PAF1: variants seen among roughly 807,000 people sequenced by gnomAD.
The protein encoded by PAF1 is PAF1 component of Paf1/RNA polymerase II complex.
A neutral mutation model predicts 68.4 loss-of-function variants in PAF1; 31 were observed. That is an observed-to-expected ratio of 0.45 (90% CI 0.34 to 0.61). PAF1 has a LOEUF of 0.61. PAF1 is among the 20% of genes least tolerant of loss of function. PAF1 has a pLI of 0.01. For synonymous variants in PAF1, 256 were observed against 240.5 expected (o/e 1.06, Z -0.60); for missense variants, 435 against 692.9 (o/e 0.63, Z 4.18).
intron 1 of PAF1, among the ~76,000 whole-genome samples, 187 bp from the exon 2 acceptor site, chr19:39,390,476 G>A (rs2078356199): frequency 6.6e-6 from 1 of 152,166 alleles, no homozygotes; most frequent in Non-Finnish European, 1.5e-5. Context: ...AGGAAGAAAT[G>A]CCCCCAAAAG....
rs2145944446 is a variant in PAF1 at position 39,391,005 on chromosome 19, G to A, written c.-141C>T. 1.2e-6 allele frequency: 1 copy of A among 820,688 alleles called. No homozygotes were observed. The highest frequency in any genetic ancestry group is 2.7e-5 in the East Asian group (1 of 37,170). The allele number at this position is 820,688 out of a possible 1,614,324, so 50.8% of individuals were successfully genotyped here. A position where few individuals can be genotyped will look rare whatever the true frequency, so the allele number is the denominator to read the frequency against. On this transcript the variant is annotated 5_prime_UTR_variant, in exon 1 of 14. Coordinates refer to ENST00000221265, the MANE Select transcript of PAF1 (RefSeq NM_019088.4). The stretch of plus-strand genomic sequence containing the variant: ...CCCCGCGGAAAGTGGGTTGAGATGA[G>A]GTGGGCGGGCGAGAAGAGCTCCAGC...
At chr19:39,390,417 G>T in intron 1 of PAF1, 128 bp from the exon 2 acceptor site, 1 of 846,894 alleles carries the variant, frequency 1.2e-6, no homozygotes, top group Non-Finnish European at 1.9e-6. Context: ...TGGTGGTGTG[G>T]GGAGTGTCCA....
chr19:39,390,280 G>A lies in PAF1; in HGVS notation c.57C>T (p.Ser19=), dbSNP rs551765199. 3.7e-6 allele frequency: 6 copies of A among 1,613,054 alleles called. No homozygotes were observed. In the South Asian group the frequency reaches 4.4e-5, roughly 12 times the overall value. The change falls in exon 2 of 14, where the codon TCC becomes TCT. Residue 19 remains serine, a synonymous_variant. Coordinates refer to ENST00000221265, the MANE Select transcript of PAF1 (RefSeq NM_019088.4). ...CTCACCTCTCAGGCAGAGTCCGGTG[G>A]GAATTGGGCCTAGTGGAGAAGAAAG... ...AQREDGHRPN[S]HRTLPERSGV...
rs1415670726 is a variant in PAF1 at position 39,389,988 on chromosome 19, G to A, written c.170+81C>T. 1.7e-6 allele frequency: 2 copies of A among 1,200,986 alleles called. No individual in the cohort carries two copies. Among genetic ancestry groups the A allele is most frequent in the African/African-American group, 1.5e-5 (1 of 66,852 alleles). The allele number at this position is 1,200,986 out of a possible 1,614,324, so 74.4% of individuals were successfully genotyped here. On this transcript the variant is annotated intron_variant, in intron 3 of 13. Coordinates refer to ENST00000221265, the MANE Select transcript of PAF1 (RefSeq NM_019088.4). The surrounding 1 kb of genome is among the most constrained non-coding windows in gnomAD (Gnocchi z 5.3). ...GGGTAGGTACTGTGCTAGGCCCTGA[G>A]CAGACAGCAGCCAACGAGACAAGCA...
Position 39,385,756 on chromosome 19 carries a change from TG to T in PAF1, c.*234del. On this transcript the variant is annotated 3_prime_UTR_variant, in exon 14 of 14. Coordinates refer to ENST00000221265, the MANE Select transcript of PAF1 (RefSeq NM_019088.4). ...GAAACCATTGGCCCTGCCTCTGGCC[TG>T]TGTTTCTAAGCCTCAAGCCAAGATC... The T allele has an allele frequency of 1.6e-6, 1 of 607,320 alleles. No individual in the cohort carries two copies. 37.6% of individuals were successfully genotyped at this position (607,320 alleles called of 1,614,324 possible).
chr19:39,387,366 G>A (rs40441), intron 11 of PAF1: 43,658 of 168,446 alleles, frequency 0.26, 11,227 homozygotes, highest in African/African-American at 0.7. Context: ...ATTACTGTAT[G>A]TGTCAGTTAG....
At chr19:39,388,049 G>T (rs563360628) in intron 11 of PAF1, among the ~76,000 whole-genome samples, 1 of 152,308 alleles carries the variant, frequency 6.6e-6, no homozygotes, top group South Asian at 2.1e-4. Flanking sequence ...GCTGAGGCAG[G>T]AGAATCACTT....
chr19:39,388,531 T>A, intron 10 of PAF1, 29 bp downstream of exon 10: 1 of 1,613,322 alleles, frequency 6.2e-7, no homozygotes, highest in African/African-American at 1.3e-5. Context: ...AACTTCCCAA[T>A]CCCCAAAACT....
chr19:39,390,043 G>A lies in PAF1; in HGVS notation c.170+26C>T, dbSNP rs1455418639. The A allele has an allele frequency of 2.6e-6, 4 of 1,566,756 alleles. 1 individual carries two copies. The South Asian group carries it at 4.4e-5, about 17-fold the overall frequency. Reference sequence around the variant, plus strand: ...CTGCCTTCAAGGAACTCATACCTGAGTAGTTTTCCCATTCCTTAGTCTCAC... The same window carrying A: ...CTGCCTTCAAGGAACTCATACCTGAATAGTTTTCCCATTCCTTAGTCTCAC... On this transcript the variant is annotated intron_variant, in intron 3 of 13. Transcript: ENST00000221265.
chr19:39,387,861 G>T (rs2078287292), intron 11 of PAF1, among the ~76,000 whole-genome samples: 1 of 152,206 alleles, frequency 6.6e-6, no homozygotes, highest in Non-Finnish European at 1.5e-5. Flanking sequence ...ATTCTGGCTG[G>T]GCGTGGTGGC....
intron 1 of PAF1, 83 bp from the exon 2 acceptor site, chr19:39,390,372 A>G: frequency 7.8e-7 from 1 of 1,274,036 alleles, no homozygotes; most frequent in Non-Finnish European, 1.1e-6. Context: ...ACCTTTCAAA[A>G]GGTAGGAGGG....
chr19:39,386,500 T>TCTCTTCTGTCTCCATCTCCTCTTC lies in PAF1; in HGVS notation c.1141_1164dup (p.Glu381_Glu388dup). On this transcript the variant is annotated inframe_insertion, in exon 13 of 14. Coordinates refer to ENST00000221265, the MANE Select transcript of PAF1 (RefSeq NM_019088.4). The surrounding 1 kb of genome is among the most constrained non-coding windows in gnomAD (Gnocchi z 6.1). Reference sequence around the variant, plus strand: ...GATTTACCTGAGCCCCCAGCTTCTTTCTCTTCTGTCTCCATCTCCTCTTCC... The same window carrying TCTCTTCTGTCTCCATCTCCTCTTC: ...GATTTACCTGAGCCCCCAGCTTCTTTCTCTTCTGTCTCCATCTCCTCTTCCTCTTCTGTCTCCATCTCCTCTTCC... 1 of 1,614,110 alleles carries TCTCTTCTGTCTCCATCTCCTCTTC rather than the reference T, an allele frequency of 6.2e-7. No homozygotes were observed. The highest frequency in any genetic ancestry group is 8.5e-7 in the Non-Finnish European group (1 of 1,180,006).
In PAF1 at chr19:39,389,706, T is replaced by A; in HGVS notation, c.226A>T (p.Thr76Ser). The A allele has an allele frequency of 6.2e-7, 1 of 1,614,086 alleles. No individual in the cohort carries two copies. The change falls in exon 4 of 14, where the codon ACT (threonine) becomes TCT (serine). Residue 76 changes from threonine to serine, a missense_variant. Physicochemically the swap from Thr to Ser is moderately conservative, Grantham distance 58. This residue lies in a region of PAF1 where 77 missense variants were observed against 118.2 expected (regional missense o/e 0.65). Transcript: ENST00000221265. The surrounding 1 kb of genome is among the most constrained non-coding windows in gnomAD (Gnocchi z 5.3). ...LEKQHKHDLL[T>S]EPDLGVTIDL... is the part of the protein sequence containing the mutation. ...ATGGTGACCCCCAGGTCTGGCTCAG[T>A]CAGGAGGTCATGTTTGTGCTGTTTC... is the stretch of plus-strand genomic sequence containing the variant.
chr19:39,388,215 G>C, intron 11 of PAF1, 124 bp downstream of exon 11: 1 of 897,016 alleles, frequency 1.1e-6, no homozygotes, highest in Non-Finnish European at 1.8e-6. Flanking sequence ...GACATCTGCT[G>C]CTCTTGTTTA....
chr19:39,388,984 G>A lies in PAF1; in HGVS notation c.599C>T (p.Thr200Ile), dbSNP rs139528979. 39 of 1,614,192 alleles carry A rather than the reference G, an allele frequency of 2.4e-5. No homozygotes were observed. In the African/African-American group the frequency reaches 4.9e-4, roughly 20 times the overall value. The change falls in exon 8 of 14, where the codon ACA becomes ATA. Residue 200 changes from threonine (T) to isoleucine (I), a missense_variant. Around this residue, in one of 7 missense-constraint regions of PAF1, gnomAD observed 151 missense variants for 306.3 expected, o/e 0.49. Transcript: ENST00000221265. Reference protein sequence around the residue: ...ISQHYSKPRVTPVEVMPVFPD... With the variant: ...ISQHYSKPRVIPVEVMPVFPD... ...GAAGACAGGCATGACCTCCACCGGT[G>A]TGACTCGGGGTTTGCTGTAATGCTG...
At chr19:39,390,781 C>T (rs1270286977) in intron 1 of PAF1, 37 bp downstream of exon 1, 4 of 1,556,230 alleles carry the variant, frequency 2.6e-6, no homozygotes, top group Non-Finnish European at 3.5e-6. Context: ...CTCTCCCGAT[C>T]CCCCGCCTTG....
chr19:39,391,104 G>T lies in PAF1; in HGVS notation c.-240C>A. The T allele has an allele frequency of 1.6e-6, 1 of 634,370 alleles. No homozygotes were observed. Among genetic ancestry groups the T allele is most frequent in the Non-Finnish European group, 2.7e-6 (1 of 369,518 alleles). The allele number at this position is 634,370 out of a possible 1,614,324, so 39.3% of individuals were successfully genotyped here. ...CGGTTCCACCAACTGCCGCCAAGAC[G>T]CTGAGGACCCAACGGGTCTCCTCAG... On this transcript the variant is annotated 5_prime_UTR_variant, in exon 1 of 14. Transcript: ENST00000221265.
intron 11 of PAF1, 106 bp downstream of exon 11, chr19:39,388,233 A>G: frequency 9.3e-7 from 1 of 1,071,790 alleles, no homozygotes; most frequent in East Asian, 2.4e-5. Flanking sequence ...TTACCAATGC[A>G]TATGACAAAT....
rs202179033 is a variant in PAF1, at chr19:39,388,756, A to G, written c.740+6T>C. The G allele has an allele frequency of 6.2e-7, 1 of 1,612,204 alleles. No homozygotes were observed. The highest frequency in any genetic ancestry group is 1.3e-5 in the African/African-American group (1 of 74,872). ...GCAGGCCAAGGTGGACAGCAGGACC[A>G]CCTACCTAATCATGGCCTGAGACAT... On this transcript the variant is annotated splice_donor_region_variant and intron_variant, in intron 9 of 13. Transcript: ENST00000221265.
Sources: allele counts gnomAD v4.1 joint callset (sites outside exome capture counted in the v4.1 genomes callset), GRCh38; gene constraint gnomAD v4.1.1; regional missense constraint gnomAD v4.1.1; non-coding constraint Gnocchi (gnomAD v3.1); transcripts MANE v1.5; gene names NCBI Gene and HGNC (gene_info 2026-07-23, HGNC 2026-07-21).